Variants in ADGRD1 observed in about 807,000 individuals in gnomAD.
ADGRD1 encodes the protein G-protein coupled receptor 133.
In ADGRD1, 77 loss-of-function variants were observed where a neutral mutation model predicts 113.4. The observed-to-expected ratio is 0.68, with a 90% CI of 0.57 to 0.82. The LOEUF is 0.82. Among genes scored for constraint, ADGRD1 ranks in the 40% least tolerant of loss-of-function variants. The probability of loss-of-function intolerance (pLI) is 0.00; values close to 1 mark genes in which losing one functional copy is unlikely to be tolerated. For synonymous variants in ADGRD1, 474 were observed against 475.0 expected, an observed-to-expected ratio of 1.00 and a Z score of 0.03; for missense variants, 1,036 against 1,139.1, an observed-to-expected ratio of 0.91 and a Z score of 1.30.
At chr12:131,090,958 C>T (rs1410507508) in intron 15 of ADGRD1, among the ~76,000 whole-genome samples, 1 of 152,280 alleles carries the variant, frequency 6.6e-6, no homozygotes, top group Non-Finnish European at 1.5e-5. Flanking sequence ...GTCACAGAAA[C>T]ATGGCGTCAT....
At chr12:131,014,011 G>A (rs993679831) in intron 12 of ADGRD1, among the ~76,000 whole-genome samples, 188 bp from the exon 13 acceptor site, 2 of 152,166 alleles carry the variant, frequency 1.3e-5, no homozygotes, top group Non-Finnish European at 2.9e-5. Flanking sequence ...AGTTGAACTC[G>A]CCTGCAGGTA....
At chr12:131,098,169 CG>C in intron 15 of ADGRD1, among the ~76,000 whole-genome samples, 1 of 71,448 alleles carries the variant, frequency 1.4e-5, no homozygotes, top group Non-Finnish European at 3.7e-5. Context: ...TTCCTTCTCC[CG>C]CAGTGGCTGC....
intron 21 of ADGRD1, among the ~76,000 whole-genome samples, chr12:131,132,195 C>T (rs746443524): frequency 2.6e-5 from 4 of 152,220 alleles, no homozygotes; most frequent in Non-Finnish European, 5.9e-5. Context: ...TTTAGCCCCT[C>T]AGCACCTCGC....
intron 21 of ADGRD1, among the ~76,000 whole-genome samples, chr12:131,135,390 G>A (rs967636693): frequency 4.6e-5 from 7 of 152,178 alleles, no homozygotes; most frequent in South Asian, 2.1e-4. Context: ...TGTGTTCAGC[G>A]ATGGGGCTCT....
intron 18 of ADGRD1, among the ~76,000 whole-genome samples, chr12:131,115,084 C>T (rs1465167559): frequency 6.6e-6 from 1 of 152,150 alleles, no homozygotes; most frequent in Non-Finnish European, 1.5e-5. Context: ...ATGCCATGAT[C>T]ACAGGAGGGG....
At chr12:131,074,802 G>A (rs747262262) in intron 13 of ADGRD1, among the ~76,000 whole-genome samples, 26 of 152,180 alleles carry the variant, frequency 1.7e-4, no homozygotes, top group Non-Finnish European at 3.4e-4. Flanking sequence ...GAGTTTCCCC[G>A]TTTCAGGGCG....
At chr12:131,079,330 T>C (rs1885889696) in intron 14 of ADGRD1, among the ~76,000 whole-genome samples, 1 of 152,200 alleles carries the variant, frequency 6.6e-6, no homozygotes, top group South Asian at 2.1e-4. Context: ...TTCACCAGCT[T>C]TGCTTTTGTG....
intron 15 of ADGRD1, among the ~76,000 whole-genome samples, chr12:131,103,451 G>A (rs1457235174): frequency 6.6e-6 from 1 of 152,260 alleles, no homozygotes; most frequent in East Asian, 1.9e-4. Context: ...AATCTAGCAC[G>A]TCTGTAGCCC....
chr12:131,066,777 G>A (rs1884753729), intron 13 of ADGRD1, among the ~76,000 whole-genome samples: 2 of 152,138 alleles, frequency 1.3e-5, no homozygotes, highest in South Asian at 4.1e-4. Context: ...GGGCATCGGG[G>A]GAGAGGCATC....
intron 12 of ADGRD1, among the ~76,000 whole-genome samples, chr12:131,013,557 G>A (rs1195924): frequency 0.48 from 73,555 of 152,072 alleles, 19,507 homozygotes; most frequent in East Asian, 0.77. Context: ...TGAGGGCTGC[G>A]GTGCACTGAC....
intron 13 of ADGRD1, among the ~76,000 whole-genome samples, chr12:131,059,682 G>C (rs1426578149): frequency 6.6e-6 from 1 of 152,194 alleles, no homozygotes. Context: ...TTCAGCTTAG[G>C]CATGCTCAGC....
intron 4 of ADGRD1, chr12:130,977,730 C>T (rs1171695917): frequency 1.3e-5 from 2 of 152,384 alleles, no homozygotes; most frequent in African/African-American, 4.8e-5. Context: ...CAGCCCGAGT[C>T]AGCCTTCAGC....
At chr12:131,030,000 A>G (rs1469583551) in intron 13 of ADGRD1, among the ~76,000 whole-genome samples, 8 of 144,298 alleles carry the variant, frequency 5.5e-5, no homozygotes, top group African/African-American at 2.1e-4. Context: ...TTATGGTAAC[A>G]TTCCCAGGCT....
At chr12:130,983,541 A>C (rs889041216) in intron 5 of ADGRD1, among the ~76,000 whole-genome samples, 4 of 152,174 alleles carry the variant, frequency 2.6e-5, no homozygotes, top group African/African-American at 7.2e-5. Context: ...ACCTTGAACA[A>C]AGGTAAAGTA....
intron 13 of ADGRD1, among the ~76,000 whole-genome samples, chr12:131,068,174 A>G (rs2137119427): frequency 6.6e-6 from 1 of 152,318 alleles, no homozygotes; most frequent in Non-Finnish European, 1.5e-5. Flanking sequence ...GGAAACTTGG[A>G]ATCCCGGACA....
intron 2 of ADGRD1, among the ~76,000 whole-genome samples, chr12:130,956,097 G>A (rs1315472870): frequency 6.6e-6 from 1 of 152,240 alleles, no homozygotes; most frequent in East Asian, 1.9e-4. Context: ...CTGGGAACCA[G>A]CCTTTAATGA....
Position 131,054,973 on chromosome 12 carries a change from C to T in ADGRD1, c.1474-21828C>T, listed in dbSNP as rs183159288. On this transcript the variant is annotated intron_variant, in intron 13 of 24. Coordinates refer to ENST00000261654, the MANE Select transcript of ADGRD1 (RefSeq NM_198827.5). ...ACGGGCGGTGAGTCCGGTCTTGTTA[C>T]ACTGTCTTGGGCACAAGTCTCGACT... Among the ~76,000 whole-genome samples, 29 of 152,332 alleles carry T rather than the reference C, an allele frequency of 1.9e-4. No individual in the cohort carries two copies. The East Asian group carries it at 4.4e-3, about 23-fold the overall frequency.
chr12:130,989,000 T>C (rs969144083), intron 6 of ADGRD1: 1 of 152,228 alleles, frequency 6.6e-6, no homozygotes, highest in Non-Finnish European at 1.5e-5. Context: ...CAATCAGGTA[T>C]GCTGGTCTCA....
chr12:131,013,948 C>T (rs1210396987), intron 12 of ADGRD1, among the ~76,000 whole-genome samples: 2 of 152,156 alleles, frequency 1.3e-5, no homozygotes, highest in East Asian at 1.9e-4. Context: ...CACACCTTAA[C>T]GAGAGCAGGT....
Sources: gnomAD v4.1 joint callset for allele counts (sites outside exome capture counted in the v4.1 genomes callset) on GRCh38, gnomAD v4.1.1 for gene constraint, MANE v1.5 for transcripts, NCBI Gene and HGNC (gene_info 2026-07-23, HGNC 2026-07-21) for gene names.